Variants in RPS3 observed in about 807,000 individuals in gnomAD.
RPS3 encodes the protein ribosomal protein S3, also known as small ribosomal subunit protein uS3.
A neutral mutation model predicts 25.8 loss-of-function variants in RPS3; 2 were observed. The ratio of observed to expected loss-of-function variants is 0.08; its 90% confidence interval spans 0.03 to 0.24. RPS3 has a LOEUF of 0.24. Ranked by LOEUF, RPS3 falls within the 10% of genes least tolerant of loss-of-function variation. RPS3 has a pLI of 1.00. For synonymous variants in RPS3, 114 were observed against 114.2 expected (o/e 1.00, Z 0.01); for missense variants, 107 against 307.1 (o/e 0.35, Z 4.87).
rs375916187 is a variant in RPS3 at position 75,404,622 on chromosome 11, G to A, written c.539-50G>A. On this transcript the variant is annotated intron_variant, in intron 5 of 6. Transcript: ENST00000531188. The surrounding 1 kb of genome is among the most constrained non-coding windows in gnomAD (Gnocchi z 4.6). ...CTTGCTCTCTTTGGTCTTGTGTGAT[G>A]GGGGCCTTTGAGACCCCAGCTGTGT... 6 of 1,547,398 alleles carry A rather than the reference G, an allele frequency of 3.9e-6. No individual in the cohort carries two copies. Among genetic ancestry groups the A allele is most frequent in the Non-Finnish European group, 5.3e-6 (6 of 1,122,982 alleles).
chr11:75,416,319 G>A (rs1171900444), intron 6 of RPS3, among the ~76,000 whole-genome samples: 4 of 152,246 alleles, frequency 2.6e-5, no homozygotes, highest in East Asian at 3.9e-4. Context: ...CCAACTGTAC[G>A]TGCACTGACT....
In RPS3 at chr11:75,400,639, C is replaced by T. The variant is rs776876385; in HGVS notation, c.31-55C>T. On this transcript the variant is annotated intron_variant, in intron 1 of 6. Coordinates refer to ENST00000531188, the MANE Select transcript of RPS3 (RefSeq NM_001005.5). The stretch of plus-strand genomic sequence containing the variant: ...ACTAATAAGACTAGACTGGCTCAGG[C>T]GAAAGTGAGCCTACACCGATCTCCT... 7 of 1,596,638 alleles carry T rather than the reference C, an allele frequency of 4.4e-6. No individual in the cohort carries two copies. In the Admixed American group the frequency reaches 6.7e-5, roughly 15 times the overall value.
intron 6 of RPS3, among the ~76,000 whole-genome samples, chr11:75,421,050 T>A (rs1189161690): frequency 6.6e-6 from 1 of 152,160 alleles, no homozygotes; most frequent in Non-Finnish European, 1.5e-5. Context: ...GCCAGTGATA[T>A]GATGCCTTCT....
At chr11:75,399,616 C>T in intron 1 of RPS3, 39 bp downstream of exon 1, 1 of 1,600,032 alleles carries the variant, frequency 6.2e-7, no homozygotes, top group Non-Finnish European at 8.6e-7. Flanking sequence ...ACGACGGCGC[C>T]GCGCGGGTCG....
At chr11:75,405,097 G>A in intron 6 of RPS3, 1 of 388,968 alleles carries the variant, frequency 2.6e-6, no homozygotes, top group Non-Finnish European at 4.6e-6. Context: ...TTTTACTCGT[G>A]TATATGAAAT....
intron 2 of RPS3, 21 bp from the exon 3 acceptor site, chr11:75,401,619 A>C (rs1353040420): frequency 6.6e-7 from 1 of 1,521,872 alleles, no homozygotes; most frequent in Non-Finnish European, 9.1e-7. Flanking sequence ...AGAATCTTGA[A>C]TTGTCACTTT....
intron 4 of RPS3, 178 bp downstream of exon 4, chr11:75,402,624 A>C (rs774105453): frequency 9.0e-5 from 52 of 577,226 alleles, no homozygotes; most frequent in Non-Finnish European, 1.4e-4. Context: ...AGACTACTAA[A>C]GCAGCAAGAA....
intron 6 of RPS3, chr11:75,421,594 C>G (rs1592035699): frequency 6.6e-6 from 1 of 152,280 alleles, no homozygotes; most frequent in African/African-American, 2.4e-5. Context: ...CTGACAGATT[C>G]AGGTGCAGAG....
rs931825664 is a variant in RPS3, at chr11:75,400,945, C to G, written c.161+121C>G. ...TCCCCAAAGCTGGAGTGCAGTGGCG[C>G]GATCTCGGCTCACTGCAAGCTCCGC... On this transcript the variant is annotated intron_variant, in intron 2 of 6. Coordinates refer to ENST00000531188, the MANE Select transcript of RPS3 (RefSeq NM_001005.5). 8.6e-5 allele frequency: 114 copies of G among 1,320,424 alleles called. No individual in the cohort carries two copies. The African/African-American group carries it at 1.5e-3, about 18-fold the overall frequency. 81.8% of individuals were successfully genotyped at this position (1,320,424 alleles called of 1,614,324 possible).
At chr11:75,399,908 G>A (rs534812) in intron 1 of RPS3, 253,108 of 417,928 alleles carry the variant, frequency 0.61, 78,618 homozygotes, top group African/African-American at 0.79. Context: ...GTCTTATCCC[G>A]TGGTTTTGGG....
chr11:75,403,913 A>G, intron 4 of RPS3, 107 bp from the exon 5 acceptor site: 1 of 1,074,614 alleles, frequency 9.3e-7, no homozygotes, highest in South Asian at 1.6e-5. Flanking sequence ...CTCTGGTCAA[A>G]TTATTCTCCA....
downstream of RPS3, among the ~76,000 whole-genome samples, chr11:75,410,591 G>A (rs1447598612): frequency 1.3e-5 from 2 of 152,242 alleles, no homozygotes; most frequent in South Asian, 4.1e-4. Flanking sequence ...CGGGGTGGCG[G>A]CCGGGCAGAG....
chr11:75,414,483 C>T (rs1043852470), intron 6 of RPS3, among the ~76,000 whole-genome samples: 30 of 152,058 alleles, frequency 2.0e-4, no homozygotes, highest in African/African-American at 7.0e-4. Context: ...TGGTGGTGGA[C>T]GCCTGTAGTC....
intron 6 of RPS3, chr11:75,405,309 T>G (rs1948270464): frequency 4.6e-6 from 1 of 219,294 alleles, no homozygotes; most frequent in Non-Finnish European, 9.2e-6. Context: ...ACTCCTGACC[T>G]CAGGTGAGCC....
At chr11:75,413,285 G>GGCT (rs1409510927) in intron 6 of RPS3, among the ~76,000 whole-genome samples, 1 of 151,356 alleles carries the variant, frequency 6.6e-6, no homozygotes, top group Non-Finnish European at 1.5e-5. Flanking sequence ...CTGTAGCCCA[G>GGCT]GCTGGAGTGC....
At chr11:75,417,009 G>A (rs1242504294) in intron 6 of RPS3, among the ~76,000 whole-genome samples, 5 of 152,106 alleles carry the variant, frequency 3.3e-5, no homozygotes, top group African/African-American at 4.8e-5. Flanking sequence ...CATTTATAGC[G>A]TAAGCATGAC....
Position 75,399,518 on chromosome 11 carries a change from C to T in RPS3, c.-30C>T, listed in dbSNP as rs967151226. The stretch of plus-strand genomic sequence containing the variant: ...ACTCACTTCCGCCCGCGAGCCACTT[C>T]CTTTCCTTTCAGCGGAGCGCGGCGG... On this transcript the variant is annotated 5_prime_UTR_variant, in exon 1 of 7. Coordinates refer to ENST00000531188, the MANE Select transcript of RPS3 (RefSeq NM_001005.5). The T allele has an allele frequency of 5.0e-6, 8 of 1,613,610 alleles. No homozygotes were observed. Among genetic ancestry groups the T allele is most frequent in the South Asian group, 1.1e-5 (1 of 91,082 alleles).
chr11:75,418,062 A>T (rs372074918), intron 6 of RPS3, among the ~76,000 whole-genome samples: 1 of 152,196 alleles, frequency 6.6e-6, no homozygotes, highest in East Asian at 1.9e-4. Context: ...ACCACCAGCA[A>T]CCAGGGTGTT....
downstream of RPS3, among the ~76,000 whole-genome samples, chr11:75,409,621 A>G (rs1390051007): frequency 1.6e-5 from 2 of 126,096 alleles, no homozygotes; most frequent in East Asian, 2.2e-4. Context: ...CGATTTCTCA[A>G]TTTTTTCCCC....
Sources: allele counts gnomAD v4.1 joint callset (sites outside exome capture counted in the v4.1 genomes callset), GRCh38; gene constraint gnomAD v4.1.1; non-coding constraint Gnocchi (gnomAD v3.1); transcripts MANE v1.5; gene names NCBI Gene and HGNC (gene_info 2026-07-23, HGNC 2026-07-21).